BCKDHB: variants seen among roughly 807,000 people sequenced by gnomAD.
BCKDHB encodes the protein branched chain keto acid dehydrogenase E1 subunit beta.
In BCKDHB, 41 loss-of-function variants were observed where a neutral mutation model predicts 48.5. The observed-to-expected ratio is 0.85, with a 90% CI of 0.66 to 1.10. The LOEUF is 1.10. Among genes scored for constraint, BCKDHB ranks in the 50% least tolerant of loss-of-function variants. The pLI is 0.00. For synonymous variants in BCKDHB, 201 were observed against 174.8 expected (o/e 1.15, Z -1.18); for missense variants, 496 against 494.2 (o/e 1.00, Z -0.03).
chr6:80,126,026 C>A (rs1384820814), intron 1 of BCKDHB, among the ~76,000 whole-genome samples: 1 of 152,110 alleles, frequency 6.6e-6, no homozygotes, highest in Non-Finnish European at 1.5e-5. Flanking sequence ...TGTTATAGCC[C>A]TAGCCTGAAG....
chr6:80,115,225 A>G (rs969672700), intron 1 of BCKDHB, among the ~76,000 whole-genome samples: 6 of 151,894 alleles, frequency 4.0e-5, no homozygotes, highest in Non-Finnish European at 8.8e-5. Flanking sequence ...CATGTAGTAC[A>G]ACCCTGAACT....
At chr6:80,396,193 C>G in the BCKDHB span, among the ~76,000 whole-genome samples, 6 of 152,172 alleles carry the variant, frequency 3.9e-5, no homozygotes, top group Non-Finnish European at 8.8e-5. Flanking sequence ...GGTAGATCCA[C>G]TGACAGCTTG....
At chr6:80,415,222 A>G in the BCKDHB span, among the ~76,000 whole-genome samples, 5 of 152,206 alleles carry the variant, frequency 3.3e-5, no homozygotes, top group South Asian at 2.1e-4. Flanking sequence ...GGATGGTTTG[A>G]CTTCCTCTTT....
At chr6:80,458,338 T>C in the BCKDHB span, among the ~76,000 whole-genome samples, 33 of 152,326 alleles carry the variant, frequency 2.2e-4, no homozygotes, top group South Asian at 6.4e-3. Flanking sequence ...GAAAAAGTGT[T>C]TGTGGGAATC....
the BCKDHB span, among the ~76,000 whole-genome samples, chr6:80,465,412 C>T: frequency 6.6e-6 from 1 of 152,182 alleles, no homozygotes; most frequent in African/African-American, 2.4e-5. Flanking sequence ...TACAACTGGT[C>T]AAAATGTCTG....
rs1465970887 is a variant in BCKDHB, at chr6:80,345,361, T to C, written c.*1557T>C. 1 of 152,216 alleles carries C rather than the reference T, an allele frequency of 6.6e-6. No individual in the cohort carries two copies. The highest frequency in any genetic ancestry group is 2.4e-5 in the African/African-American group (1 of 41,464). 9.4% of individuals were successfully genotyped at this position (152,216 alleles called of 1,614,324 possible). A position where few individuals can be genotyped will look rare whatever the true frequency, so the allele number is the denominator to read the frequency against. On this transcript the variant is annotated 3_prime_UTR_variant, in exon 10 of 10. Transcript: ENST00000320393. The stretch of plus-strand genomic sequence containing the variant: ...CAACTCTGTATAATAGCACATTCTC[T>C]ACTTTTTAAAGATCAGAAATGCTAG...
chr6:80,215,309 C>T (rs1214385008), intron 8 of BCKDHB, among the ~76,000 whole-genome samples: 1 of 152,166 alleles, frequency 6.6e-6, no homozygotes, highest in Admixed American at 6.5e-5. Context: ...AGTCATTCTT[C>T]CTGTAGGATT....
the BCKDHB span, among the ~76,000 whole-genome samples, chr6:80,423,520 T>A: frequency 6.6e-6 from 1 of 152,326 alleles, no homozygotes; most frequent in African/African-American, 2.4e-5. Flanking sequence ...CCACCCATTG[T>A]GTAACTTGGT....
At chr6:80,400,652 C>T in the BCKDHB span, among the ~76,000 whole-genome samples, 2 of 152,072 alleles carry the variant, frequency 1.3e-5, no homozygotes, top group Admixed American at 1.3e-4. Flanking sequence ...TTGTGGAAAG[C>T]AGTTTGGCAA....
the BCKDHB span, among the ~76,000 whole-genome samples, chr6:80,463,366 T>C: frequency 6.6e-6 from 1 of 152,296 alleles, no homozygotes; most frequent in African/African-American, 2.4e-5. Flanking sequence ...TGGCTACATA[T>C]TTTTCTTTGG....
At chr6:80,330,863 C>T (rs1471810417) in intron 9 of BCKDHB, among the ~76,000 whole-genome samples, 1 of 152,152 alleles carries the variant, frequency 6.6e-6, no homozygotes. Flanking sequence ...CACACCCAAC[C>T]CACTTTAGCT....
At chr6:80,151,550 G>A (rs1048469133) in intron 3 of BCKDHB, among the ~76,000 whole-genome samples, 2 of 151,720 alleles carry the variant, frequency 1.3e-5, no homozygotes. Flanking sequence ...CAGATATTTT[G>A]AAAGAACAAT....
intron 6 of BCKDHB, among the ~76,000 whole-genome samples, chr6:80,190,479 C>G (rs907112248): frequency 1.3e-5 from 2 of 151,926 alleles, no homozygotes; most frequent in East Asian, 3.9e-4. Context: ...TAACCGAGTT[C>G]TTTAATATGT....
chr6:80,354,828 T>C, the BCKDHB span, among the ~76,000 whole-genome samples: 2 of 152,222 alleles, frequency 1.3e-5, no homozygotes, highest in African/African-American at 4.8e-5. Context: ...TGTGATCTTA[T>C]GTCTGTGTTA....
the BCKDHB span, among the ~76,000 whole-genome samples, chr6:80,389,481 A>G: frequency 6.6e-6 from 1 of 152,184 alleles, no homozygotes; most frequent in Non-Finnish European, 1.5e-5. Flanking sequence ...CCTGGAATAG[A>G]CACTTACCTC....
chr6:80,379,546 T>C, the BCKDHB span, among the ~76,000 whole-genome samples: 1 of 151,854 alleles, frequency 6.6e-6, no homozygotes, highest in Non-Finnish European at 1.5e-5. Context: ...CAAGATAAGG[T>C]TGTCCACTCT....
At chr6:80,322,054 A>G (rs1441299596) in intron 9 of BCKDHB, among the ~76,000 whole-genome samples, 2 of 152,106 alleles carry the variant, frequency 1.3e-5, no homozygotes, top group Non-Finnish European at 2.9e-5. Flanking sequence ...GGATGCTCCT[A>G]TTTGGGTCTT....
intron 3 of BCKDHB, among the ~76,000 whole-genome samples, chr6:80,138,024 G>T (rs1188798004): frequency 6.6e-6 from 1 of 152,110 alleles, no homozygotes; most frequent in Non-Finnish European, 1.5e-5. Flanking sequence ...TGAGGCTGCA[G>T]TGAGCTGTGA....
chr6:80,405,802 A>G, the BCKDHB span, among the ~76,000 whole-genome samples: 1 of 152,162 alleles, frequency 6.6e-6, no homozygotes, highest in Non-Finnish European at 1.5e-5. Context: ...CATATAAAAC[A>G]TGAAACTCTA....
Sources: allele counts gnomAD v4.1 joint callset (sites outside exome capture counted in the v4.1 genomes callset), GRCh38; gene constraint gnomAD v4.1.1; transcripts MANE v1.5; gene names NCBI Gene and HGNC (gene_info 2026-07-23, HGNC 2026-07-21).